Variants in AGR3 observed in about 807,000 individuals in gnomAD.
AGR3 encodes the protein anterior gradient 3, protein disulphide isomerase family member.
In AGR3, 37 loss-of-function variants were observed where a neutral mutation model predicts 24.5. The observed-to-expected ratio is 1.51, with a 90% confidence interval of 1.16 to 1.99. AGR3 has a LOEUF of 1.99. Ranked by LOEUF, AGR3 falls within the 30% of genes most tolerant of loss-of-function variation. The probability of loss-of-function intolerance (pLI) is 0.00; values close to 1 mark genes in which losing one functional copy is unlikely to be tolerated. For synonymous variants in AGR3, 75 were observed against 61.6 expected (o/e 1.22, Z -1.02); for missense variants, 228 against 191.1 (o/e 1.19, Z -1.14).
At chr7:16,881,527 A>G (rs531554352) in intron 1 of AGR3, among the ~76,000 whole-genome samples, 2 of 152,366 alleles carry the variant, frequency 1.3e-5, no homozygotes, top group Admixed American at 1.3e-4. Flanking sequence ...TGGGAGGCAC[A>G]TAACCATATG....
At chr7:16,861,704 C>A (rs1409853815) in intron 5 of AGR3, among the ~76,000 whole-genome samples, 1 of 151,300 alleles carries the variant, frequency 6.6e-6, no homozygotes, top group Middle Eastern at 3.2e-3. Flanking sequence ...AGTTTGAGAC[C>A]AGCCTAACCA....
At chr7:16,876,612 A>G (rs1402729704) in intron 2 of AGR3, among the ~76,000 whole-genome samples, 1 of 152,096 alleles carries the variant, frequency 6.6e-6, no homozygotes, top group African/African-American at 2.4e-5. Context: ...TCTGAGCCTC[A>G]TTCTCTCCAT....
At chr7:16,863,955 A>C (rs973537333) in intron 3 of AGR3, among the ~76,000 whole-genome samples, 2 of 152,104 alleles carry the variant, frequency 1.3e-5, no homozygotes, top group Non-Finnish European at 2.9e-5. Context: ...TTGCATTCTG[A>C]ATTAGTCCTT....
intron 2 of AGR3, among the ~76,000 whole-genome samples, chr7:16,876,693 C>T (rs1781991885): frequency 6.6e-6 from 1 of 152,176 alleles, no homozygotes; most frequent in Non-Finnish European, 1.5e-5. Flanking sequence ...ATGGTGTTCT[C>T]AGCTAATATC....
chr7:16,858,644 G>C (rs1781585830), downstream of AGR3, among the ~76,000 whole-genome samples: 2 of 152,134 alleles, frequency 1.3e-5, no homozygotes, highest in Admixed American at 6.5e-5. Flanking sequence ...GGCTGAGGTG[G>C]TAGATCACCT....
chr7:16,880,112 CTT>C (rs1211398059), intron 1 of AGR3, among the ~76,000 whole-genome samples: 1 of 136,844 alleles, frequency 7.3e-6, no homozygotes, highest in African/African-American at 2.9e-5. Flanking sequence ...TCCTTCTTTC[CTT>C]CCTTCCTTCC....
rs1781926319 is a variant in AGR3 at position 16,873,612 on chromosome 7, C to T, written c.173+168G>A. On this transcript the variant is annotated intron_variant, in intron 3 of 7. Transcript: ENST00000310398. ...GTAGAGAGGATTTTGAGTGTTCCCA[C>T]CAGAAAGAAATGATATGTTTCAGGT... 32 of 595,590 alleles carry T rather than the reference C, an allele frequency of 5.4e-5. 2 individuals are homozygous for T. Among genetic ancestry groups the T allele is most frequent in the South Asian group, 5.1e-4 (23 of 45,220 alleles). 36.9% of individuals were successfully genotyped at this position (595,590 alleles called of 1,614,324 possible). A position where few individuals can be genotyped will look rare whatever the true frequency, so the allele number is the denominator to read the frequency against.
At chr7:16,875,937 G>A (rs1275141549) in intron 2 of AGR3, among the ~76,000 whole-genome samples, 3 of 152,076 alleles carry the variant, frequency 2.0e-5, no homozygotes, top group Non-Finnish European at 2.9e-5. Context: ...CAAGTGAGAC[G>A]AGGCCTCTGC....
At chr7:16,880,098 T>TCC (rs1290430143) in intron 1 of AGR3, among the ~76,000 whole-genome samples, 131 of 126,920 alleles carry the variant, frequency 1.0e-3, no homozygotes, top group African/African-American at 3.6e-3. Context: ...CTTCCTTCCT[T>TCC]CCTTCCTTCT....
intron 3 of AGR3, chr7:16,864,360 G>A: frequency 7.5e-7 from 1 of 1,327,512 alleles, no homozygotes; most frequent in Non-Finnish European, 1.1e-6. Flanking sequence ...GCAGTTCACT[G>A]GCACTATTCT....
At chr7:16,856,212 G>T (rs948447770), downstream of AGR3, among the ~76,000 whole-genome samples, 5 of 152,204 alleles carry the variant, frequency 3.3e-5, no homozygotes, top group African/African-American at 1.2e-4. Flanking sequence ...GTATCTGGCA[G>T]AGTGAAAATT....
intron 3 of AGR3, among the ~76,000 whole-genome samples, chr7:16,870,625 G>A (rs1781847205): frequency 6.6e-6 from 1 of 152,038 alleles, no homozygotes; most frequent in African/African-American, 2.4e-5. Context: ...ATTCTATAAT[G>A]CATTTTCAGA....
At chr7:16,879,227 T>G (rs916938110) in intron 1 of AGR3, among the ~76,000 whole-genome samples, 4 of 152,232 alleles carry the variant, frequency 2.6e-5, no homozygotes, top group Admixed American at 1.3e-4. Context: ...CTTTTGCCCT[T>G]CAGTTTATGA....
At chr7:16,861,307 T>G in intron 6 of AGR3, 77 bp downstream of exon 6, 1 of 1,135,616 alleles carries the variant, frequency 8.8e-7, no homozygotes, top group Non-Finnish European at 1.3e-6. Context: ...GTACTTGAAC[T>G]AGCATTTAAA....
downstream of AGR3, among the ~76,000 whole-genome samples, chr7:16,854,795 T>C (rs1268249768): frequency 6.6e-6 from 1 of 152,184 alleles, no homozygotes; most frequent in Non-Finnish European, 1.5e-5. Flanking sequence ...TTTCCGTGCC[T>C]GTCATCCAGT....
chr7:16,871,486 AT>A (rs1172000250), intron 3 of AGR3, among the ~76,000 whole-genome samples: 8 of 152,136 alleles, frequency 5.3e-5, no homozygotes, highest in Admixed American at 2.0e-4. Context: ...AACCAGTAGC[AT>A]TTCTATACAA....
chr7:16,875,707 C>A (rs1781974430), intron 2 of AGR3, among the ~76,000 whole-genome samples: 1 of 152,054 alleles, frequency 6.6e-6, no homozygotes, highest in Non-Finnish European at 1.5e-5. Context: ...GTAGATGCAT[C>A]ATTTTATATA....
intron 2 of AGR3, among the ~76,000 whole-genome samples, chr7:16,877,723 C>T (rs1782014739): frequency 6.6e-6 from 1 of 151,926 alleles, no homozygotes; most frequent in Admixed American, 6.6e-5. Context: ...ATTAGCCGGG[C>T]ATGGTGGCGG....
At chr7:16,856,313 A>T (rs750986433), downstream of AGR3, among the ~76,000 whole-genome samples, 36 of 152,222 alleles carry the variant, frequency 2.4e-4, no homozygotes, top group Non-Finnish European at 4.9e-4. Flanking sequence ...CTGAATAGAA[A>T]TGTTGCTATT....
Sources: gnomAD v4.1 joint callset for allele counts (sites outside exome capture counted in the v4.1 genomes callset) on GRCh38, gnomAD v4.1.1 for gene constraint, MANE v1.5 for transcripts, NCBI Gene and HGNC (gene_info 2026-07-23, HGNC 2026-07-21) for gene names.